Variants in TNRC6B observed in about 807,000 individuals in gnomAD.
TNRC6B encodes trinucleotide repeat containing adaptor 6B.
In TNRC6B, 52 loss-of-function variants were observed where a neutral mutation model predicts 203.6. That is an observed-to-expected ratio of 0.26 (90% CI 0.20 to 0.32). The LOEUF is 0.32. TNRC6B is among the 10% of genes least tolerant of loss of function. TNRC6B has a pLI of 1.00. For missense variants in TNRC6B, 1,923 were observed against 2,286.2 expected (o/e 0.84, Z 3.24); for synonymous variants, 838 against 845.7 (o/e 0.99, Z 0.16).
At chr22:40,077,931 T>A (rs554795234) in intron 1 of TNRC6B, among the ~76,000 whole-genome samples, 80 of 152,338 alleles carry the variant, frequency 5.3e-4, no homozygotes, top group African/African-American at 1.8e-3. Context: ...ACTACATAGG[T>A]ACTTAATTTC....
At chr22:40,120,016 T>TA (rs1303732599) in intron 2 of TNRC6B, among the ~76,000 whole-genome samples, 1 of 152,162 alleles carries the variant, frequency 6.6e-6, no homozygotes, top group African/African-American at 2.4e-5. Context: ...TGACATTTAG[T>TA]AAGTGGGCAC....
chr22:40,332,054 G>T lies in TNRC6B; in HGVS notation c.*8813G>T. The T allele has an allele frequency of 6.0e-6, 1 of 167,758 alleles. No homozygotes were observed. The highest frequency in any genetic ancestry group is 1.6e-4 in the East Asian group (1 of 6,360). 10.4% of individuals were successfully genotyped at this position (167,758 alleles called of 1,614,324 possible). ...AACTCCACAGGCTCCAGTGTTCTCT[G>T]GAAAAAGTACTCATCCTTTCCTGAA... On this transcript the variant is annotated 3_prime_UTR_variant, in exon 23 of 23. Transcript: ENST00000454349.
In TNRC6B at chr22:40,261,844, C is replaced by G; in HGVS notation, c.128C>G (p.Thr43Arg). The change falls in exon 4 of 23, where the codon ACG (threonine) becomes AGG (arginine). Residue 43 changes from threonine (T) to arginine (R), a missense_variant. Around this residue, in one of 8 missense-constraint regions of TNRC6B, gnomAD observed 111 missense variants for 155.3 expected, o/e 0.71. Coordinates refer to ENST00000454349, the MANE Select transcript of TNRC6B (RefSeq NM_001162501.2). ...TEQKTKVPEV[T>R]KPSLSQPTAA... ...CCCTCTCTTTTAGTGCCCGAAGTGACGAAACCAAGTTTAAGCCAACCAACG... is the reference window on the plus strand; with the variant it reads ...CCCTCTCTTTTAGTGCCCGAAGTGAGGAAACCAAGTTTAAGCCAACCAACG... The G allele has an allele frequency of 6.4e-7, 1 of 1,570,140 alleles. No homozygotes were observed. Among genetic ancestry groups the G allele is most frequent in the South Asian group, 1.1e-5 (1 of 88,638 alleles).
chr22:40,305,960 T>C (rs2071083230), intron 15 of TNRC6B, among the ~76,000 whole-genome samples: 1 of 152,134 alleles, frequency 6.6e-6, no homozygotes, highest in Non-Finnish European at 1.5e-5. Context: ...TGCATTTCAT[T>C]TGTCACCAAA....
intron 11 of TNRC6B, among the ~76,000 whole-genome samples, chr22:40,284,151 T>A (rs1435388051): frequency 6.6e-6 from 1 of 152,212 alleles, no homozygotes; most frequent in Non-Finnish European, 1.5e-5. Flanking sequence ...TTAAAGGTCT[T>A]CTCATGTTTC....
intron 1 of TNRC6B, among the ~76,000 whole-genome samples, chr22:40,068,392 A>T (rs1035260978): frequency 6.6e-6 from 1 of 152,010 alleles, no homozygotes; most frequent in Admixed American, 6.5e-5. Flanking sequence ...ATCTCGGGTC[A>T]CTACAACCTC....
intron 19 of TNRC6B, among the ~76,000 whole-genome samples, chr22:40,314,015 T>C (rs1230608304): frequency 1.3e-5 from 2 of 151,896 alleles, no homozygotes; most frequent in African/African-American, 2.4e-5. Context: ...TACACTTTTG[T>C]AGGATTTCTT....
intron 1 of TNRC6B, among the ~76,000 whole-genome samples, chr22:40,194,970 C>T (rs916828356): frequency 6.6e-6 from 1 of 152,162 alleles, no homozygotes; most frequent in Non-Finnish European, 1.5e-5. Context: ...CAGGGGAGAC[C>T]TGCTTTAAAT....
intron 12 of TNRC6B, among the ~76,000 whole-genome samples, chr22:40,287,383 A>G (rs1252338621): frequency 1.3e-5 from 2 of 152,118 alleles, no homozygotes; most frequent in Non-Finnish European, 2.9e-5. Flanking sequence ...ATAGATTTCA[A>G]ATTCTAGTTT....
At chr22:40,274,831 G>A (rs1320501926) in intron 7 of TNRC6B, among the ~76,000 whole-genome samples, 2 of 152,158 alleles carry the variant, frequency 1.3e-5, no homozygotes, top group African/African-American at 4.8e-5. Flanking sequence ...TTTCAATCTA[G>A]AACAGTAGTC....
chr22:40,146,094 G>A (rs932713908), intron 3 of TNRC6B, among the ~76,000 whole-genome samples: 4 of 152,192 alleles, frequency 2.6e-5, no homozygotes, highest in Admixed American at 1.3e-4. Context: ...AAATGCTTAG[G>A]GAGTAGTAGG....
chr22:40,226,478 T>C (rs2069787610), intron 1 of TNRC6B, among the ~76,000 whole-genome samples: 2 of 152,206 alleles, frequency 1.3e-5, no homozygotes, highest in Admixed American at 6.5e-5. Context: ...GTAGATACCG[T>C]GTGATCTCAG....
chr22:40,165,251 A>C (rs2068908929), intron 4 of TNRC6B, among the ~76,000 whole-genome samples: 1 of 151,972 alleles, frequency 6.6e-6, no homozygotes, highest in Admixed American at 6.6e-5. Context: ...GTCATGGCTT[A>C]TTGCAGCCTC....
intron 1 of TNRC6B, among the ~76,000 whole-genome samples, chr22:40,233,469 A>G (rs1453528628): frequency 6.6e-6 from 1 of 151,700 alleles, no homozygotes; most frequent in African/African-American, 2.4e-5. Context: ...TAAAAATACA[A>G]AAATTAGCCC....
At chr22:40,264,399 G>C (rs2070439942) in intron 4 of TNRC6B, among the ~76,000 whole-genome samples, 1 of 152,192 alleles carries the variant, frequency 6.6e-6, no homozygotes, top group African/African-American at 2.4e-5. Context: ...CAAGTTTAGA[G>C]TGCCATTGCT....
intron 1 of TNRC6B, chr22:40,117,047 C>T (rs1355046045): frequency 1.3e-5 from 2 of 152,498 alleles, no homozygotes; most frequent in East Asian, 3.9e-4. Flanking sequence ...ATTTTTTTCT[C>T]TTTTCAGGGT....
intron 21 of TNRC6B, among the ~76,000 whole-genome samples, chr22:40,316,229 C>CTG (rs533881892): frequency 1.3e-5 from 2 of 152,060 alleles, no homozygotes; most frequent in South Asian, 4.1e-4. Flanking sequence ...TGGCGGGCGC[C>CTG]TGTAGTCCCA....
intron 7 of TNRC6B, among the ~76,000 whole-genome samples, chr22:40,275,088 A>G (rs987899012): frequency 6.6e-6 from 1 of 152,174 alleles, no homozygotes; most frequent in African/African-American, 2.4e-5. Context: ...CCTATAGGAC[A>G]CTAATTTTGT....
At chr22:40,255,885 C>T (rs994884551) in intron 3 of TNRC6B, among the ~76,000 whole-genome samples, 10 of 152,106 alleles carry the variant, frequency 6.6e-5, no homozygotes, top group Admixed American at 3.9e-4. Context: ...CAGAGTCTTG[C>T]TCTGTTGCCC....
Sources: allele counts gnomAD v4.1 joint callset (sites outside exome capture counted in the v4.1 genomes callset), GRCh38; gene constraint gnomAD v4.1.1; regional missense constraint gnomAD v4.1.1; transcripts MANE v1.5; gene names NCBI Gene and HGNC (gene_info 2026-07-23, HGNC 2026-07-21).